MAPKAPK2: variants seen among roughly 807,000 people sequenced by gnomAD.
MAPKAPK2 encodes the protein MAP kinase-activated protein kinase 2.
MAPKAPK2 carries 9 observed loss-of-function variants against 48.8 expected under a neutral mutation model. The ratio of observed to expected loss-of-function variants is 0.18; its 90% CI spans 0.11 to 0.32. The LOEUF (loss-of-function observed/expected upper bound fraction) is 0.32. Ranked by LOEUF, MAPKAPK2 falls within the 10% of genes least tolerant of loss-of-function variation. The pLI is 1.00. For synonymous variants in MAPKAPK2, 202 were observed against 190.6 expected (o/e 1.06, Z -0.49); for missense variants, 331 against 498.3 (o/e 0.66, Z 3.20).
intron 1 of MAPKAPK2, among the ~76,000 whole-genome samples, chr1:206,723,924 G>A (rs1673626852): frequency 6.6e-6 from 1 of 152,252 alleles, no homozygotes; most frequent in African/African-American, 2.4e-5. Context: ...CTTGCCTGTG[G>A]CGTTGCAGCT....
intron 1 of MAPKAPK2, among the ~76,000 whole-genome samples, chr1:206,696,848 T>C (rs1439649989): frequency 6.6e-6 from 1 of 152,214 alleles, no homozygotes; most frequent in African/African-American, 2.4e-5. Flanking sequence ...AGTCAGGGAC[T>C]GTGGCAGCCC....
rs1462809552 is a variant in MAPKAPK2 at position 206,704,181 on chromosome 1, A to G, written c.279+18673A>G. ...GGAGGGGTCCTACTTTCAGATCCAA[A>G]AGAAAATCTGAGATATGTCATTTGA... On this transcript the variant is annotated intron_variant, in intron 1 of 9. Coordinates refer to ENST00000367103, the MANE Select transcript of MAPKAPK2 (RefSeq NM_032960.4). The surrounding 1 kb of genome is among the most constrained non-coding windows in gnomAD (Gnocchi z 4.3). Among the ~76,000 whole-genome samples the G allele has an allele frequency of 1.3e-5, 2 of 152,184 alleles. No individual in the cohort carries two copies. Among genetic ancestry groups the G allele is most frequent in the East Asian group, 3.9e-4 (2 of 5,190 alleles).
chr1:206,708,857 AT>A (rs1305225083), intron 1 of MAPKAPK2, among the ~76,000 whole-genome samples: 1 of 152,208 alleles, frequency 6.6e-6, no homozygotes, highest in African/African-American at 2.4e-5. Flanking sequence ...GGAACCTCAT[AT>A]AAATGGGATA....
chr1:206,706,776 T>C (rs1379686607), intron 1 of MAPKAPK2, among the ~76,000 whole-genome samples: 3 of 152,232 alleles, frequency 2.0e-5, no homozygotes, highest in African/African-American at 7.2e-5. Flanking sequence ...CTTTACTTGT[T>C]CAGAAGTGGC....
chr1:206,728,860 ACTGTTCTAGTCCCGGCCCAGC>A lies in MAPKAPK2; in HGVS notation c.419+18_419+38del, dbSNP rs782364247. 7 of 1,613,774 alleles carry A rather than the reference ACTGTTCTAGTCCCGGCCCAGC, an allele frequency of 4.3e-6. No individual in the cohort carries two copies. The highest frequency in any genetic ancestry group is 5.9e-6 in the Non-Finnish European group (7 of 1,179,922). On this transcript the variant is annotated intron_variant, in intron 2 of 9. Transcript: ENST00000367103. ...GATTGTCATGGAATGGTAAGCAGCC[ACTGTTCTAGTCCCGGCCCAGC>A]CTGTTCCCACTCCTCACTCAGGCAC...
In MAPKAPK2 at chr1:206,691,482, GATAT is replaced by G. The variant is rs56752335; in HGVS notation, c.279+5994_279+5997del. Among the ~76,000 whole-genome samples the G allele has an allele frequency of 2.3e-3, 174 of 77,296 alleles. 8 individuals are homozygous for G. Among genetic ancestry groups the G allele is most frequent in the African/African-American group, 3.1e-3 (70 of 22,520 alleles). 50.7% of individuals were successfully genotyped at this position (77,296 alleles called of 152,430 possible). A position where few individuals can be genotyped will look rare whatever the true frequency, so the allele number is the denominator to read the frequency against. On this transcript the variant is annotated intron_variant, in intron 1 of 9. Transcript: ENST00000367103. ...AAAATACTGGTATTTTGTATTTTAAGATATATATATATATATATATATACACACA... is the reference window on the plus strand; with the variant it reads ...AAAATACTGGTATTTTGTATTTTAAGATATATATATATATATATACACACA...
At chr1:206,727,850 C>T (rs930791687) in intron 1 of MAPKAPK2, among the ~76,000 whole-genome samples, 2 of 152,174 alleles carry the variant, frequency 1.3e-5, no homozygotes, top group Admixed American at 1.3e-4. Context: ...GTCTTGATCT[C>T]CTGACCTCGT....
intron 1 of MAPKAPK2, among the ~76,000 whole-genome samples, chr1:206,694,332 A>C (rs889471404): frequency 6.6e-6 from 1 of 152,120 alleles, no homozygotes; most frequent in Non-Finnish European, 1.5e-5. Flanking sequence ...TACTCTGACC[A>C]TGTGTCGATG....
chr1:206,691,502 T>TATATATAC (rs1553426248), intron 1 of MAPKAPK2, among the ~76,000 whole-genome samples: 6 of 132,668 alleles, frequency 4.5e-5, no homozygotes, highest in African/African-American at 1.5e-4. Context: ...TATATATATA[T>TATATATAC]ATACACACAT....
intron 3 of MAPKAPK2, 96 bp from the exon 4 acceptor site, chr1:206,729,300 G>A (rs1339931417): frequency 7.7e-6 from 9 of 1,162,910 alleles, no homozygotes; most frequent in African/African-American, 1.5e-5. Flanking sequence ...GGAGCCTCAG[G>A]CTGCACAGAG....
At chr1:206,729,528 G>A (rs1022894697) in intron 4 of MAPKAPK2, 53 bp downstream of exon 4, 98 of 1,486,696 alleles carry the variant, frequency 6.6e-5, no homozygotes, top group Admixed American at 1.0e-4. Flanking sequence ...CAACAAAGGG[G>A]CTGTGGCCAC....
chr1:206,712,206 TAAAA>T (rs1209206014), intron 1 of MAPKAPK2, among the ~76,000 whole-genome samples: 1 of 151,952 alleles, frequency 6.6e-6, no homozygotes, highest in African/African-American at 2.4e-5. Context: ...CAACAAATAA[TAAAA>T]AAAAGATCTT....
intron 6 of MAPKAPK2, 151 bp downstream of exon 6, chr1:206,730,914 C>A: frequency 1.0e-6 from 1 of 983,440 alleles, no homozygotes; most frequent in Non-Finnish European, 1.5e-6. Context: ...AGCTAAGTGG[C>A]GGGTGTAAAC....
At chr1:206,727,076 C>T (rs1673723428) in intron 1 of MAPKAPK2, among the ~76,000 whole-genome samples, 2 of 152,166 alleles carry the variant, frequency 1.3e-5, no homozygotes, top group Admixed American at 6.5e-5. Context: ...CACCCCAGCC[C>T]TCTGAATGTC....
At chr1:206,711,529 G>T (rs563494693) in intron 1 of MAPKAPK2, among the ~76,000 whole-genome samples, 1 of 152,040 alleles carries the variant, frequency 6.6e-6, no homozygotes, top group Admixed American at 6.5e-5. Context: ...GGGATTACAG[G>T]TGTGAGCCAC....
intron 1 of MAPKAPK2, chr1:206,696,028 C>T: frequency 6.1e-6 from 5 of 815,590 alleles, no homozygotes; most frequent in South Asian, 5.3e-5. Flanking sequence ...AGCTCTGGGC[C>T]ACATCCCGGG....
At chr1:206,694,453 G>A (rs535536064) in intron 1 of MAPKAPK2, among the ~76,000 whole-genome samples, 288 of 152,336 alleles carry the variant, frequency 1.9e-3, no homozygotes, top group Non-Finnish European at 3.6e-3. Flanking sequence ...GTTGCTAAGT[G>A]TTTATTTTTA....
intron 1 of MAPKAPK2, among the ~76,000 whole-genome samples, chr1:206,728,116 C>T (rs1054416350): frequency 6.6e-6 from 1 of 152,122 alleles, no homozygotes. Flanking sequence ...CAGTGAGGTT[C>T]GACGAGTTAA....
At chr1:206,697,148 C>G (rs1227446905) in intron 1 of MAPKAPK2, among the ~76,000 whole-genome samples, 1 of 152,184 alleles carries the variant, frequency 6.6e-6, no homozygotes, top group African/African-American at 2.4e-5. Context: ...GGAGATGACC[C>G]TTTTGCCCTT....
Sources: allele counts gnomAD v4.1 joint callset (sites outside exome capture counted in the v4.1 genomes callset), GRCh38; gene constraint gnomAD v4.1.1; non-coding constraint Gnocchi (gnomAD v3.1); transcripts MANE v1.5; gene names NCBI Gene and HGNC (gene_info 2026-07-23, HGNC 2026-07-21).